The following NCALD variants were observed in gnomAD, a reference collection of about 807,000 sequenced individuals.
The protein encoded by NCALD is neurocalcin delta.
A neutral mutation model predicts 18.6 loss-of-function variants in NCALD; 10 were observed. That is an observed-to-expected ratio of 0.54 (90% CI 0.33 to 0.91). The LOEUF is 0.91. Among genes scored for constraint, NCALD ranks in the 40% least tolerant of loss-of-function variants. The pLI is 0.03. For missense variants in NCALD, 184 were observed against 247.6 expected (o/e 0.74, Z 1.72); for synonymous variants, 88 against 87.4 (o/e 1.01, Z -0.04).
chr8:101,791,331 G>GTC (rs148250257), upstream of NCALD, among the ~76,000 whole-genome samples: 14 of 151,558 alleles, frequency 9.2e-5, no homozygotes, highest in East Asian at 9.7e-4. Context: ...CATGAAGCAT[G>GTC]TCTCTCTCTC....
chr8:101,974,970 A>T (rs547334946), intron 2 of NCALD, among the ~76,000 whole-genome samples: 1 of 152,310 alleles, frequency 6.6e-6, no homozygotes, highest in South Asian at 2.1e-4. Context: ...CATATACAAA[A>T]CACCATAGAA....
chr8:101,944,689 T>C (rs532258359), intron 2 of NCALD, among the ~76,000 whole-genome samples: 1 of 152,314 alleles, frequency 6.6e-6, no homozygotes, highest in East Asian at 1.9e-4. Context: ...ACAGTATTTC[T>C]TCCTATTCCC....
intron 2 of NCALD, among the ~76,000 whole-genome samples, chr8:101,952,266 C>T (rs1238594519): frequency 1.3e-5 from 2 of 152,172 alleles, no homozygotes; most frequent in Non-Finnish European, 2.9e-5. Flanking sequence ...AAACAACTGA[C>T]CACTCACATC....
In NCALD at chr8:101,709,382, G is replaced by C. The variant is rs1030376514; in HGVS notation, c.378+9870C>G. On this transcript the variant is annotated intron_variant, in intron 2 of 3. Transcript: ENST00000220931. ...TGGTTCCTTCTTTATCTTTGCTTCA[G>C]GTACAGATGGTCTAATGTTGTCTAA... Among the ~76,000 whole-genome samples, 42 of 152,152 alleles carry C rather than the reference G, an allele frequency of 2.8e-4. 1 individual carries two copies. Among genetic ancestry groups the C allele is most frequent in the Admixed American group, 2.7e-3 (41 of 15,276 alleles).
At chr8:101,831,512 C>T (rs998903087) in intron 4 of NCALD, among the ~76,000 whole-genome samples, 3 of 152,154 alleles carry the variant, frequency 2.0e-5, no homozygotes, top group African/African-American at 4.8e-5. Context: ...AGTAGGTCAT[C>T]GTCTCTTTGC....
intron 2 of NCALD, among the ~76,000 whole-genome samples, chr8:101,973,332 G>C (rs1268325932): frequency 1.3e-5 from 2 of 152,010 alleles, no homozygotes; most frequent in African/African-American, 4.8e-5. Context: ...GAGAGTTTTG[G>C]AAAGTCCTGC....
intron 1 of NCALD, among the ~76,000 whole-genome samples, chr8:101,778,035 T>C (rs917856000): frequency 6.6e-6 from 1 of 152,178 alleles, no homozygotes; most frequent in Non-Finnish European, 1.5e-5. Flanking sequence ...ATGAAGAATG[T>C]TGTTTTCCAT....
chr8:101,918,994 G>A lies in NCALD; in HGVS notation c.-156-3136C>T, dbSNP rs1455794300. 2.6e-5 allele frequency among the ~76,000 whole-genome samples: 4 copies of A among 151,866 alleles called. No homozygotes were observed. In the South Asian group the frequency reaches 6.2e-4, roughly 24 times the overall value. On this transcript the variant is annotated intron_variant, in intron 2 of 6. Transcript: ENST00000311028. Reference sequence around the variant, plus strand: ...CTACCAACATCATTTTTCACAGAACGATAAATGAAATTCATATAGAACCAA... The same window carrying A: ...CTACCAACATCATTTTTCACAGAACAATAAATGAAATTCATATAGAACCAA...
intron 2 of NCALD, among the ~76,000 whole-genome samples, chr8:101,704,918 G>A (rs533099782): frequency 7.2e-6 from 1 of 139,352 alleles, no homozygotes; most frequent in South Asian, 2.3e-4. Context: ...AAAACTCCGT[G>A]TCAAAAAAAT....
chr8:101,752,511 A>C (rs1453590964), intron 1 of NCALD, among the ~76,000 whole-genome samples: 2 of 152,224 alleles, frequency 1.3e-5, no homozygotes, highest in Non-Finnish European at 1.5e-5. Flanking sequence ...GGCAAATTTT[A>C]AAAGCTTAGA....
chr8:101,696,357 A>G (rs773561797), intron 2 of NCALD, among the ~76,000 whole-genome samples: 1 of 152,258 alleles, frequency 6.6e-6, no homozygotes. Flanking sequence ...AGTGCTAGAA[A>G]GAAGAGTGCA....
At chr8:101,797,415 T>G (rs1812678972) in intron 4 of NCALD, among the ~76,000 whole-genome samples, 1 of 152,104 alleles carries the variant, frequency 6.6e-6, no homozygotes, top group African/African-American at 2.4e-5. Context: ...ACAAAAGACT[T>G]TTCAACAGAA....
intron 2 of NCALD, among the ~76,000 whole-genome samples, chr8:102,009,571 A>G (rs950979718): frequency 6.6e-6 from 1 of 152,240 alleles, no homozygotes; most frequent in African/African-American, 2.4e-5. Context: ...AAAAGCTGCT[A>G]CAAGTCAGTG....
intron 2 of NCALD, among the ~76,000 whole-genome samples, chr8:101,948,192 G>A (rs986307496): frequency 2.2e-4 from 34 of 152,262 alleles, no homozygotes; most frequent in African/African-American, 8.0e-4. Context: ...CAATAATTTA[G>A]ATAAGAGATG....
intron 1 of NCALD, chr8:102,069,959 C>T (rs1362790206): frequency 6.6e-6 from 1 of 151,944 alleles, no homozygotes; most frequent in African/African-American, 2.4e-5. Context: ...TACTAAATTA[C>T]AAAATTTAGC....
At chr8:101,930,865 G>A (rs1818546950) in intron 2 of NCALD, among the ~76,000 whole-genome samples, 1 of 152,166 alleles carries the variant, frequency 6.6e-6, no homozygotes. Context: ...TCAAGTGCCT[G>A]GGTCATTACC....
At chr8:101,938,885 G>C (rs529016796) in intron 2 of NCALD, among the ~76,000 whole-genome samples, 2 of 152,156 alleles carry the variant, frequency 1.3e-5, no homozygotes, top group Non-Finnish European at 2.9e-5. Flanking sequence ...TTGTATTCAC[G>C]TTTGGAAATC....
intron 2 of NCALD, among the ~76,000 whole-genome samples, chr8:101,945,627 T>G (rs1408980740): frequency 6.6e-6 from 1 of 152,240 alleles, no homozygotes; most frequent in Non-Finnish European, 1.5e-5. Context: ...AAAATGCTTA[T>G]GCTGGCACTG....
chr8:101,732,417 T>C (rs932379814), intron 1 of NCALD, among the ~76,000 whole-genome samples: 11 of 152,012 alleles, frequency 7.2e-5, no homozygotes, highest in African/African-American at 2.2e-4. Flanking sequence ...AGACCCTCCA[T>C]AGACTCTAAG....
Sources: allele counts gnomAD v4.1 joint callset (sites outside exome capture counted in the v4.1 genomes callset), GRCh38; gene constraint gnomAD v4.1.1; transcripts MANE v1.5; gene names NCBI Gene and HGNC (gene_info 2026-07-23, HGNC 2026-07-21).